The following USP53 variants were observed in gnomAD, a reference collection of about 807,000 sequenced individuals.
USP53 encodes the protein ubiquitin specific peptidase 53, also known as ubiquitin carboxyl-terminal hydrolase 53.
USP53 carries 71 observed loss-of-function variants against 94.9 expected under a neutral mutation model. That is an observed-to-expected ratio of 0.75 (90% CI 0.62 to 0.91). The LOEUF (loss-of-function observed/expected upper bound fraction) is 0.91, where lower values mean the gene tolerates loss of function less well. Ranked by LOEUF, USP53 falls within the 40% of genes least tolerant of loss-of-function variation. USP53 has a pLI of 0.00. For missense variants in USP53, 1,173 were observed against 1,281.0 expected (o/e 0.92, Z 1.29); for synonymous variants, 375 against 422.7 (o/e 0.89, Z 1.39).
intron 2 of USP53, among the ~76,000 whole-genome samples, chr4:119,216,685 G>A (rs748779622): frequency 1.4e-4 from 21 of 152,090 alleles, no homozygotes; most frequent in Admixed American, 3.9e-4. Flanking sequence ...GGATAGCTCC[G>A]TAACAAAATT....
chr4:119,294,343 C>T lies in USP53; in HGVS notation c.*1132C>T, dbSNP rs1755070232. ...TAAAATGTTTAATTAGAGCATCCTT[C>T]CCTTTTATTCTACTTTGAACAAATA... On this transcript the variant is annotated 3_prime_UTR_variant, in exon 19 of 19. Transcript: ENST00000692078. 6.6e-6 allele frequency: 1 copy of T among 152,026 alleles called. No homozygotes were observed. The highest frequency in any genetic ancestry group is 1.5e-5 in the Non-Finnish European group (1 of 67,930). The allele number at this position is 152,026 out of a possible 1,614,324, so 9.4% of individuals were successfully genotyped here.
At chr4:119,215,188 T>C (rs1743546822) in intron 2 of USP53, among the ~76,000 whole-genome samples, 1 of 152,202 alleles carries the variant, frequency 6.6e-6, no homozygotes, top group South Asian at 2.1e-4. Flanking sequence ...GAGGGAAGTA[T>C]GCTGATTTAT....
chr4:119,256,404 T>C (rs1173724321), intron 8 of USP53, 37 bp from the exon 9 acceptor site: 1 of 1,613,646 alleles, frequency 6.2e-7, no homozygotes, highest in Non-Finnish European at 8.5e-7. Flanking sequence ...TTCTGTTTTA[T>C]GATTGATAGA....
chr4:119,245,459 T>C (rs991547789), intron 6 of USP53, 30 bp downstream of exon 6: 25 of 1,592,898 alleles, frequency 1.6e-5, no homozygotes, highest in Non-Finnish European at 2.0e-5. Context: ...GAAAAACTAC[T>C]ATCAATTGTT....
intron 17 of USP53, among the ~76,000 whole-genome samples, chr4:119,276,065 C>T (rs1334350464): frequency 3.1e-5 from 4 of 128,490 alleles, no homozygotes; most frequent in Non-Finnish European, 5.2e-5. Context: ...TTGACTTCCT[C>T]GTTTCCTAAT....
chr4:119,230,484 C>A (rs541712120), intron 3 of USP53, among the ~76,000 whole-genome samples: 26 of 152,286 alleles, frequency 1.7e-4, no homozygotes, highest in African/African-American at 6.3e-4. Context: ...GGCATATGAC[C>A]TAATGCCTTA....
intron 13 of USP53, among the ~76,000 whole-genome samples, chr4:119,267,778 G>A (rs1380159263): frequency 2.6e-5 from 4 of 152,174 alleles, no homozygotes; most frequent in African/African-American, 9.7e-5. Context: ...GGAAAAGTCC[G>A]AAACAGCTAG....
chr4:119,283,850 A>G (rs893336113), intron 17 of USP53, among the ~76,000 whole-genome samples: 1 of 151,932 alleles, frequency 6.6e-6, no homozygotes, highest in Non-Finnish European at 1.5e-5. Flanking sequence ...AACTCAGGAA[A>G]TATTATATAT....
intron 3 of USP53, among the ~76,000 whole-genome samples, chr4:119,229,147 A>C (rs778285180): frequency 1.1e-4 from 17 of 152,210 alleles, no homozygotes; most frequent in Non-Finnish European, 1.9e-4. Flanking sequence ...CGTGCAACAT[A>C]GACTGTAGTG....
chr4:119,229,544 G>T (rs533270068), intron 3 of USP53, among the ~76,000 whole-genome samples: 4 of 152,190 alleles, frequency 2.6e-5, no homozygotes, highest in Admixed American at 6.5e-5. Context: ...ATTTGAGTTG[G>T]TATAACAGTC....
intron 3 of USP53, chr4:119,220,209 A>G (rs956577060): frequency 9.9e-5 from 15 of 152,170 alleles, no homozygotes; most frequent in Admixed American, 9.8e-4. Flanking sequence ...TATAATTGAT[A>G]TGGGGGAGAC....
At chr4:119,259,708 A>G in intron 9 of USP53, 112 bp from the exon 10 acceptor site, 3 of 653,242 alleles carry the variant, frequency 4.6e-6, no homozygotes, top group Non-Finnish European at 7.4e-6. Flanking sequence ...AGTCATGGTC[A>G]TGTTTTAGAT....
chr4:119,277,911 T>C (rs1412176209), intron 17 of USP53, among the ~76,000 whole-genome samples: 2 of 130,174 alleles, frequency 1.5e-5, no homozygotes, highest in Non-Finnish European at 3.3e-5. Flanking sequence ...TATCAGAGAC[T>C]AGGATTGCAA....
At chr4:119,221,327 G>C (rs1744482280) in intron 3 of USP53, 1 of 152,090 alleles carries the variant, frequency 6.6e-6, no homozygotes. Context: ...TCAGCACTTT[G>C]AGAGGCTGAG....
intron 7 of USP53, among the ~76,000 whole-genome samples, chr4:119,249,825 C>T (rs561405946): frequency 1.6e-4 from 24 of 151,886 alleles, no homozygotes; most frequent in Non-Finnish European, 1.9e-4. Flanking sequence ...CCACCATGCC[C>T]GGCTAATTTT....
At chr4:119,256,794 A>G (rs1749826844) in intron 9 of USP53, among the ~76,000 whole-genome samples, 1 of 152,180 alleles carries the variant, frequency 6.6e-6, no homozygotes, top group African/African-American at 2.4e-5. Context: ...TGTGAAGGGG[A>G]GCATGAAATG....
intron 17 of USP53, among the ~76,000 whole-genome samples, chr4:119,283,792 A>C (rs1255568063): frequency 6.6e-6 from 1 of 151,906 alleles, no homozygotes; most frequent in Non-Finnish European, 1.5e-5. Context: ...TGTTGAGTTT[A>C]TCATCTAGGT....
At chr4:119,266,735 G>A (rs750065079) in intron 12 of USP53, among the ~76,000 whole-genome samples, 5 of 151,674 alleles carry the variant, frequency 3.3e-5, no homozygotes, top group Non-Finnish European at 7.4e-5. Flanking sequence ...TTTCTTAATG[G>A]TGTCTTTCCA....
At position 119,293,366 on chromosome 4, in the gene USP53, T is replaced by C. The variant is rs1754984686; in HGVS notation, c.*155T>C. On this transcript the variant is annotated 3_prime_UTR_variant, in exon 19 of 19. Transcript: ENST00000692078. ...CCATTTAAATATAATAGGAACCTAC[T>C]GACCAAACCTAGTGATACATAAAAT... The C allele has an allele frequency of 1.2e-6, 1 of 812,512 alleles. No homozygotes were observed. Among genetic ancestry groups the C allele is most frequent in the African/African-American group, 1.7e-5 (1 of 57,770 alleles). 50.3% of individuals were successfully genotyped at this position (812,512 alleles called of 1,614,324 possible).
Sources: gnomAD v4.1 joint callset for allele counts (sites outside exome capture counted in the v4.1 genomes callset) on GRCh38, gnomAD v4.1.1 for gene constraint, MANE v1.5 for transcripts, NCBI Gene and HGNC (gene_info 2026-07-23, HGNC 2026-07-21) for gene names.